HS6ST3: variants seen among roughly 807,000 people sequenced by gnomAD.
HS6ST3 encodes the protein heparan sulfate 6-O-sulfotransferase 3.
HS6ST3 carries 12 observed loss-of-function variants against 36.7 expected under a neutral mutation model. The ratio of observed to expected loss-of-function variants is 0.33; its 90% CI spans 0.21 to 0.53. HS6ST3 has a LOEUF of 0.53. Among genes scored for constraint, HS6ST3 ranks in the 20% least tolerant of loss-of-function variants. The probability of loss-of-function intolerance (pLI) is 0.95; values close to 1 mark genes in which losing one functional copy is unlikely to be tolerated. For missense variants in HS6ST3, 584 were observed against 640.9 expected (o/e 0.91, Z 0.96); for synonymous variants, 240 against 257.5 (o/e 0.93, Z 0.65).
intron 1 of HS6ST3, among the ~76,000 whole-genome samples, chr13:96,110,774 A>G (rs2053864699): frequency 6.6e-6 from 1 of 152,170 alleles, no homozygotes; most frequent in Non-Finnish European, 1.5e-5. Flanking sequence ...TCCAAACTGT[A>G]TCAACCTTTT....
At chr13:96,304,124 C>T in intron 1 of HS6ST3, among the ~76,000 whole-genome samples, 1 of 140,256 alleles carries the variant, frequency 7.1e-6, no homozygotes, top group African/African-American at 2.8e-5. Flanking sequence ...ACCTGGGGGT[C>T]AGAGAGAGAC....
At chr13:96,603,605 A>G (rs1472007227) in intron 1 of HS6ST3, among the ~76,000 whole-genome samples, 2 of 152,138 alleles carry the variant, frequency 1.3e-5, no homozygotes, top group African/African-American at 4.8e-5. Flanking sequence ...GCCATAGGGT[A>G]TGTGTATGTT....
chr13:96,267,733 C>A (rs1170925557), intron 1 of HS6ST3, among the ~76,000 whole-genome samples: 1 of 151,980 alleles, frequency 6.6e-6, no homozygotes, highest in Non-Finnish European at 1.5e-5. Context: ...AGATGGTTCC[C>A]ACTAGGATGA....
chr13:96,448,300 T>G (rs2139484139), intron 1 of HS6ST3, among the ~76,000 whole-genome samples: 1 of 152,318 alleles, frequency 6.6e-6, no homozygotes, highest in Middle Eastern at 3.4e-3. Context: ...TCCTTAAAAT[T>G]TAATCAACCA....
intron 1 of HS6ST3, among the ~76,000 whole-genome samples, chr13:96,802,853 C>T (rs1253885179): frequency 1.3e-5 from 2 of 152,156 alleles, no homozygotes; most frequent in Non-Finnish European, 2.9e-5. Flanking sequence ...TCCTATGGCT[C>T]TAAAATAAAC....
At chr13:96,722,238 C>A (rs1193069155) in intron 1 of HS6ST3, among the ~76,000 whole-genome samples, 1 of 151,998 alleles carries the variant, frequency 6.6e-6, no homozygotes, top group Non-Finnish European at 1.5e-5. Flanking sequence ...GCACTCCAGC[C>A]TGGGAAACAG....
intron 1 of HS6ST3, among the ~76,000 whole-genome samples, chr13:96,647,220 A>G (rs758803959): frequency 6.6e-6 from 1 of 152,050 alleles, no homozygotes. Flanking sequence ...TTACAAATAC[A>G]TTTATGAGAA....
chr13:96,415,664 T>G (rs1388486529), intron 1 of HS6ST3, among the ~76,000 whole-genome samples: 1 of 152,188 alleles, frequency 6.6e-6, no homozygotes. Context: ...TCTCTGTGGA[T>G]CTTGCAAGAG....
intron 1 of HS6ST3, among the ~76,000 whole-genome samples, chr13:96,115,946 G>A (rs2053892024): frequency 6.6e-6 from 1 of 152,144 alleles, no homozygotes; most frequent in Non-Finnish European, 1.5e-5. Context: ...TTCTCTGACT[G>A]GCATGAGATG....
chr13:96,440,311 G>A (rs2055664158), intron 1 of HS6ST3, among the ~76,000 whole-genome samples: 1 of 152,060 alleles, frequency 6.6e-6, no homozygotes, highest in Non-Finnish European at 1.5e-5. Context: ...GCCAGGCATA[G>A]TGGCGCACAC....
intron 1 of HS6ST3, among the ~76,000 whole-genome samples, chr13:96,333,910 G>A (rs371274229): frequency 6.6e-6 from 1 of 152,116 alleles, no homozygotes. Context: ...TATATAGCAA[G>A]TGGGGTGGAA....
intron 1 of HS6ST3, among the ~76,000 whole-genome samples, chr13:96,311,553 A>G (rs999766503): frequency 6.6e-6 from 1 of 152,134 alleles, no homozygotes; most frequent in Non-Finnish European, 1.5e-5. Context: ...CATGGATTTA[A>G]AGCAGGTTAA....
At chr13:96,580,747 C>T (rs978834361) in intron 1 of HS6ST3, among the ~76,000 whole-genome samples, 2 of 151,990 alleles carry the variant, frequency 1.3e-5, no homozygotes. Flanking sequence ...TTGCTTTTTA[C>T]TTACATAGAA....
intron 1 of HS6ST3, among the ~76,000 whole-genome samples, chr13:96,788,756 C>T (rs1439890151): frequency 6.6e-6 from 1 of 151,774 alleles, no homozygotes; most frequent in African/African-American, 2.4e-5. Context: ...GGTGAATTGA[C>T]CCTCTTATTA....
At chr13:96,555,230 G>A (rs976019555) in intron 1 of HS6ST3, among the ~76,000 whole-genome samples, 5 of 152,134 alleles carry the variant, frequency 3.3e-5, no homozygotes, top group South Asian at 2.1e-4. Flanking sequence ...ACATACATTA[G>A]TATGTGTTAA....
At chr13:96,761,030 T>C (rs1006907686) in intron 1 of HS6ST3, among the ~76,000 whole-genome samples, 3 of 152,186 alleles carry the variant, frequency 2.0e-5, no homozygotes, top group Admixed American at 1.3e-4. Flanking sequence ...AATGTTAATC[T>C]TCTCATCTTT....
chr13:96,656,825 G>A (rs1054719449), intron 1 of HS6ST3, among the ~76,000 whole-genome samples: 2 of 152,192 alleles, frequency 1.3e-5, no homozygotes, highest in African/African-American at 4.8e-5. Flanking sequence ...CAAACTGACT[G>A]GATTGACGGA....
chr13:96,092,046 C>T (rs539854717), intron 1 of HS6ST3, among the ~76,000 whole-genome samples: 1 of 152,184 alleles, frequency 6.6e-6, no homozygotes, highest in African/African-American at 2.4e-5. Flanking sequence ...GAGTATAATC[C>T]CTCCCTAAGT....
chr13:96,658,437 C>T (rs1053033425), intron 1 of HS6ST3, among the ~76,000 whole-genome samples: 9 of 150,900 alleles, frequency 6.0e-5, no homozygotes, highest in East Asian at 2.0e-4. Context: ...TGCACCTCCA[C>T]GCCTGGCTAA....
Sources: gnomAD v4.1 joint callset for allele counts (sites outside exome capture counted in the v4.1 genomes callset) on GRCh38, gnomAD v4.1.1 for gene constraint, MANE v1.5 for transcripts, NCBI Gene and HGNC (gene_info 2026-07-23, HGNC 2026-07-21) for gene names.